The following SPMAP2 variants were observed in gnomAD, a reference collection of about 807,000 sequenced individuals.
SPMAP2 encodes the protein Theg homolog.
the SPMAP2 span, among the ~76,000 whole-genome samples, chr19:365,516 C>G: frequency 1.4e-4 from 11 of 77,140 alleles, no homozygotes; most frequent in African/African-American, 4.5e-4. Flanking sequence ...CGCTCTTACC[C>G]CCACCACACA....
chr19:372,648 T>A, the SPMAP2 span: 1 of 1,614,072 alleles, frequency 6.2e-7, no homozygotes, highest in Non-Finnish European at 8.5e-7. Flanking sequence ...TGTTGTAATA[T>A]TCCAGGTAGA....
the SPMAP2 span, chr19:375,663 C>A: frequency 6.4e-7 from 1 of 1,555,860 alleles, no homozygotes; most frequent in South Asian, 1.2e-5. Flanking sequence ...CGGTGCCCAC[C>A]TGATTTCAGG....
At chr19:371,149 T>C in the SPMAP2 span, 11 of 1,075,316 alleles carry the variant, frequency 1.0e-5, no homozygotes, top group Admixed American at 2.9e-4. Flanking sequence ...TTTCACTCTC[T>C]GCCGGGTCCC....
the SPMAP2 span, chr19:375,518 G>A: frequency 2.0e-5 from 18 of 905,004 alleles, no homozygotes; most frequent in South Asian, 3.3e-4. Context: ...TGACTCGGCA[G>A]GGCCGGGCCC....
chr19:364,152 T>C, the SPMAP2 span, among the ~76,000 whole-genome samples: 4 of 148,016 alleles, frequency 2.7e-5, no homozygotes, highest in East Asian at 2.0e-4. Context: ...GCTCACACGG[T>C]GAAATCCCAT....
chr19:365,023 G>A, the SPMAP2 span, among the ~76,000 whole-genome samples: 3 of 152,202 alleles, frequency 2.0e-5, no homozygotes, highest in African/African-American at 7.2e-5. Flanking sequence ...AGAGGCTCCT[G>A]GGGAAAAGAG....
chr19:371,333 T>A, the SPMAP2 span: 4 of 1,430,766 alleles, frequency 2.8e-6, no homozygotes, highest in Non-Finnish European at 3.7e-6. Flanking sequence ...CTGGGGGAGG[T>A]CCCCATTTTA....
At chr19:372,373 T>C in the SPMAP2 span, among the ~76,000 whole-genome samples, 1 of 152,226 alleles carries the variant, frequency 6.6e-6, no homozygotes, top group Admixed American at 6.5e-5. Context: ...GCTGTGCAAA[T>C]CCCCGTTCAC....
the SPMAP2 span, among the ~76,000 whole-genome samples, chr19:364,694 G>A: frequency 6.6e-6 from 1 of 152,074 alleles, no homozygotes; most frequent in East Asian, 1.9e-4. Context: ...CCCCTGGCTG[G>A]GGTCATGTCT....
At chr19:362,518 A>G in the SPMAP2 span, 17 of 1,062,168 alleles carry the variant, frequency 1.6e-5, no homozygotes, top group Non-Finnish European at 2.2e-5. Context: ...CTGGAATCCC[A>G]GCACTGTGGA....
the SPMAP2 span, chr19:374,454 G>T: frequency 6.2e-7 from 1 of 1,613,460 alleles, no homozygotes; most frequent in Non-Finnish European, 8.5e-7. Flanking sequence ...AGTTGGAGCT[G>T]CTTTCCCGCC....
the SPMAP2 span, among the ~76,000 whole-genome samples, chr19:375,023 G>A: frequency 9.2e-5 from 14 of 152,288 alleles, no homozygotes; most frequent in African/African-American, 2.4e-4. Context: ...GTTCTTGGGC[G>A]GCAAACCTCC....
chr19:375,695 G>A, the SPMAP2 span: 2 of 1,601,456 alleles, frequency 1.2e-6, no homozygotes, highest in Non-Finnish European at 1.7e-6. Flanking sequence ...CCAAGTCCTT[G>A]TCCAGGACTC....
At chr19:375,909 G>A in the SPMAP2 span, 186 of 1,504,670 alleles carry the variant, frequency 1.2e-4, no homozygotes, top group African/African-American at 1.2e-3. Flanking sequence ...CTCCCTTTCC[G>A]ACCTGCCCGC....
At chr19:365,792 C>T in the SPMAP2 span, among the ~76,000 whole-genome samples, 1 of 152,160 alleles carries the variant, frequency 6.6e-6, no homozygotes, top group Non-Finnish European at 1.5e-5. Flanking sequence ...GCCACACTCT[C>T]GCTCTAACCC....
chr19:372,073 A>G, the SPMAP2 span, among the ~76,000 whole-genome samples: 18 of 152,380 alleles, frequency 1.2e-4, no homozygotes, highest in Admixed American at 9.1e-4. Flanking sequence ...GCGTGAGGAC[A>G]GTGTGTGCGA....
chr19:370,207 C>T, the SPMAP2 span, among the ~76,000 whole-genome samples: 1 of 152,234 alleles, frequency 6.6e-6, no homozygotes, highest in Non-Finnish European at 1.5e-5. Flanking sequence ...AAGACGGCGC[C>T]GTCACTTTGG....
At chr19:369,945 T>C in the SPMAP2 span, among the ~76,000 whole-genome samples, 1 of 152,192 alleles carries the variant, frequency 6.6e-6, no homozygotes, top group Non-Finnish European at 1.5e-5. Flanking sequence ...GATGTATACG[T>C]GCAAGTCACA....
At chr19:363,041 C>T in the SPMAP2 span, among the ~76,000 whole-genome samples, 2 of 152,106 alleles carry the variant, frequency 1.3e-5, no homozygotes, top group Non-Finnish European at 2.9e-5. Context: ...GTGTAGGTGC[C>T]AGGGGCTGGG....
Sources: allele counts gnomAD v4.1 joint callset (sites outside exome capture counted in the v4.1 genomes callset), GRCh38; gene constraint gnomAD v4.1.1; transcripts MANE v1.5; gene names NCBI Gene and HGNC (gene_info 2026-07-23, HGNC 2026-07-21).